TRPM1: variants seen among roughly 807,000 people sequenced by gnomAD.
TRPM1 encodes the protein TRPM1-203 APA Isoform, Intron 10.
A neutral mutation model predicts 149.4 loss-of-function variants in TRPM1; 113 were observed. The ratio of observed to expected loss-of-function variants is 0.76; its 90% CI spans 0.65 to 0.88. The LOEUF (loss-of-function observed/expected upper bound fraction) is 0.88. Ranked by LOEUF, TRPM1 falls within the 40% of genes least tolerant of loss-of-function variation. TRPM1 has a pLI of 0.00. For missense variants in TRPM1, 1,976 were observed against 2,038.7 expected (o/e 0.97, Z 0.59); for synonymous variants, 741 against 759.5 (o/e 0.98, Z 0.40).
chr15:31,110,979 G>A (rs959576123), intron 1 of TRPM1, among the ~76,000 whole-genome samples: 2 of 145,346 alleles, frequency 1.4e-5, no homozygotes, highest in East Asian at 4.3e-4. Context: ...GATGATATGT[G>A]CTAGAATAAC....
At chr15:31,032,568 TA>T in intron 22 of TRPM1, 120 bp downstream of exon 22, 1 of 1,206,350 alleles carries the variant, frequency 8.3e-7, no homozygotes, top group Non-Finnish European at 1.2e-6. Context: ...ATATTTCCTT[TA>T]AAAAGCCAAC....
chr15:31,136,749 C>CTTTTT (rs60370849), intron 1 of TRPM1, among the ~76,000 whole-genome samples: 12,434 of 137,466 alleles, frequency 0.09, 791 homozygotes, highest in South Asian at 0.12. Context: ...CGCCCCCACC[C>CTTTTT]TTTTTTTTTT....
intron 1 of TRPM1, among the ~76,000 whole-genome samples, chr15:31,142,029 C>G (rs2036169242): frequency 6.6e-6 from 1 of 152,048 alleles, no homozygotes; most frequent in South Asian, 2.1e-4. Context: ...AAGACCAGCC[C>G]AGGCAATTTA....
intron 1 of TRPM1, among the ~76,000 whole-genome samples, chr15:31,126,152 GAAAC>G (rs1055217353): frequency 1.4e-4 from 21 of 151,750 alleles, no homozygotes; most frequent in Non-Finnish European, 2.2e-4. Context: ...CAAAAAGAAA[GAAAC>G]AAACAAACAA....
At chr15:31,131,119 A>G (rs1432749572) in intron 1 of TRPM1, among the ~76,000 whole-genome samples, 1 of 152,182 alleles carries the variant, frequency 6.6e-6, no homozygotes, top group Non-Finnish European at 1.5e-5. Context: ...TAGGTTTTAA[A>G]TTGCATGCTA....
At chr15:31,073,713 A>G (rs984296641) in intron 3 of TRPM1, among the ~76,000 whole-genome samples, 1 of 152,042 alleles carries the variant, frequency 6.6e-6, no homozygotes, top group South Asian at 2.1e-4. Context: ...CTCTTACCTA[A>G]TTGCTTTGGC....
chr15:31,129,504 C>T lies in TRPM1; in HGVS notation c.54+31402G>A, dbSNP rs190436187. ...CCTCCAGTGCCGACCTGATACTCAG[C>T]TGTAGTTTGTCAACTTTCTGAAAAA... On this transcript the variant is annotated intron_variant, in intron 1 of 26. Coordinates refer to the TRPM1 transcript ENST00000542188. 1.4e-3 allele frequency among the ~76,000 whole-genome samples: 216 copies of T among 152,330 alleles called. 1 individual carries two copies. Among genetic ancestry groups the T allele is most frequent in the South Asian group, 4.3e-3 (21 of 4,828 alleles).
At chr15:31,010,320 T>C (rs2032139558) in intron 27 of TRPM1, among the ~76,000 whole-genome samples, 1 of 152,208 alleles carries the variant, frequency 6.6e-6, no homozygotes, top group African/African-American at 2.4e-5. Flanking sequence ...TGCAGCCCAG[T>C]AGTCAGTCTG....
In TRPM1 at chr15:31,047,905, A is replaced by G. The variant is rs1202283897; in HGVS notation, c.1607T>C (p.Val536Ala). Reference sequence around the variant, plus strand: ...TAGACTGACCTTTTTCACATCCCTCACCAGCAGATGAAGTGTGTTTGGTGG... The same window carrying G: ...TAGACTGACCTTTTTCACATCCCTCGCCAGCAGATGAAGTGTGTTTGGTGG... ...LGPPNTLHLL[V>A]RDVKKSNLPP... is the part of the protein sequence containing the mutation. The change falls in exon 14 of 28, where the codon GTG becomes GCG. Residue 536 changes from valine (V) to alanine (A), a missense_variant. Val to Ala is a moderately conservative substitution (Grantham distance 64, BLOSUM62 0). Transcript: ENST00000256552. The G allele has an allele frequency of 2.5e-6, 4 of 1,613,654 alleles. No homozygotes were observed. Among genetic ancestry groups the G allele is most frequent in the Non-Finnish European group, 3.4e-6 (4 of 1,179,628 alleles).
intron 1 of TRPM1, among the ~76,000 whole-genome samples, chr15:31,110,982 A>C (rs1209228057): frequency 6.9e-6 from 1 of 144,922 alleles, no homozygotes; most frequent in African/African-American, 2.6e-5. Context: ...GATATGTGCT[A>C]GAATAACAAA....
chr15:31,116,602 G>GAAATAAATAAATAAAT (rs56343838), intron 1 of TRPM1, among the ~76,000 whole-genome samples: 4,830 of 143,638 alleles, frequency 0.034, 273 homozygotes, highest in East Asian at 0.27. Context: ...AACTCCATCT[G>GAAATAAATAAATAAAT]AAATAAATAA....
At chr15:31,016,236 C>A (rs1313459395) in intron 27 of TRPM1, among the ~76,000 whole-genome samples, 1 of 152,142 alleles carries the variant, frequency 6.6e-6, no homozygotes, top group South Asian at 2.1e-4. Context: ...ATGCCAATAC[C>A]CTCAAATATT....
In TRPM1 at chr15:31,070,296, A is replaced by G. The variant is rs1047877044; in HGVS notation, c.84-70T>C. The G allele has an allele frequency of 1.7e-5, 25 of 1,477,386 alleles. No homozygotes were observed. In the African/African-American group the frequency reaches 3.0e-4, roughly 18 times the overall value. The allele number at this position is 1,477,386 out of a possible 1,614,324, so 91.5% of individuals were successfully genotyped here. On this transcript the variant is annotated intron_variant, in intron 3 of 27. Transcript: ENST00000256552. Reference sequence around the variant, plus strand: ...CTTTCCCCTTCATTAGCAAAAATGAATTAACCTCAACAGGTGAGTTGGGCC... The same window carrying G: ...CTTTCCCCTTCATTAGCAAAAATGAGTTAACCTCAACAGGTGAGTTGGGCC...
upstream of TRPM1, among the ~76,000 whole-genome samples, chr15:31,105,472 T>TGC (rs1324745559): frequency 0.026 from 2,147 of 83,742 alleles, 24 homozygotes; most frequent in African/African-American, 0.061. Context: ...TGTGTGTGTG[T>TGC]GCGCGCGCGC....
rs566390005 is a variant in TRPM1, at chr15:31,038,141, G to A, written c.2342C>T (p.Pro781Leu). ...LKVIMGILLP[P>L]TILFLEFRTY... is the part of the protein sequence containing the mutation. ...GCGAAATTCCAAAAACAAGATGGTG[G>A]GGGGTAGAAGAATCCCCATGATAAC... The change falls in exon 19 of 28, where the codon CCC (proline) becomes CTC (leucine). Residue 781 changes from proline to leucine, a missense_variant. Around this residue, in one of 3 missense-constraint regions of TRPM1, gnomAD observed 1,332 missense variants for 1,347.1 expected, o/e 0.99. Coordinates refer to ENST00000256552, the MANE Select transcript of TRPM1 (RefSeq NM_001252024.2). 1.2e-6 allele frequency: 2 copies of A among 1,614,056 alleles called. No individual in the cohort carries two copies. Among genetic ancestry groups the A allele is most frequent in the East Asian group, 2.2e-5 (1 of 44,868 alleles).
At chr15:31,153,765 CAT>C (rs925411403) in intron 1 of TRPM1, among the ~76,000 whole-genome samples, 2 of 152,212 alleles carry the variant, frequency 1.3e-5, no homozygotes, top group Non-Finnish European at 1.5e-5. Flanking sequence ...GTGTGAGCCA[CAT>C]GTTGTCAGGA....
At chr15:31,004,361 T>C (rs1215724182) in intron 27 of TRPM1, among the ~76,000 whole-genome samples, 1 of 152,080 alleles carries the variant, frequency 6.6e-6, no homozygotes, top group Non-Finnish European at 1.5e-5. Flanking sequence ...CTAAGTCAGC[T>C]CTGTGCTTGA....
chr15:31,146,616 C>T (rs2036227727), intron 1 of TRPM1, among the ~76,000 whole-genome samples: 1 of 152,204 alleles, frequency 6.6e-6, no homozygotes, highest in South Asian at 2.1e-4. Flanking sequence ...CTTGAAATAA[C>T]CTGATATTAA....
At position 31,040,678 on chromosome 15, in the gene TRPM1, C is replaced by G. The variant is rs1008391363; in HGVS notation, c.2088-332G>C. ...TCAAGTTGTGCACAGATCAGGGAGG[C>G]AGATAGAAAAGACAGCAAAAGTGAC... On this transcript the variant is annotated intron_variant, in intron 17 of 27. Coordinates refer to ENST00000256552, the MANE Select transcript of TRPM1 (RefSeq NM_001252024.2). This position sits in a 1 kb window ranked among gnomAD's most constrained non-coding sequence, Gnocchi z 4.2. Among the ~76,000 whole-genome samples the G allele has an allele frequency of 6.6e-6, 1 of 152,094 alleles. No homozygotes were observed. The highest frequency in any genetic ancestry group is 6.6e-5 in the Admixed American group (1 of 15,258).
Sources: allele counts gnomAD v4.1 joint callset (sites outside exome capture counted in the v4.1 genomes callset), GRCh38; gene constraint gnomAD v4.1.1; regional missense constraint gnomAD v4.1.1; non-coding constraint Gnocchi (gnomAD v3.1); transcripts MANE v1.5; gene names NCBI Gene and HGNC (gene_info 2026-07-23, HGNC 2026-07-21).